Variants in NBL1 observed in about 807,000 individuals in gnomAD.
NBL1 encodes neuroblastoma suppressor of tumorigenicity 1.
In NBL1, 9 loss-of-function variants were observed where a neutral mutation model predicts 16.0. That is an observed-to-expected ratio of 0.56 (90% CI 0.34 to 0.98). NBL1 has a LOEUF of 0.98. NBL1 is among the 50% of genes least tolerant of loss of function. The pLI, the probability that NBL1 is intolerant of heterozygous loss-of-function variation, is 0.02. For missense variants in NBL1, 196 were observed against 243.1 expected (o/e 0.81, Z 1.29); for synonymous variants, 86 against 100.7 (o/e 0.85, Z 0.87).
At chr1:19,646,492 G>T (rs1054271962) in intron 1 of NBL1, among the ~76,000 whole-genome samples, 11 of 152,228 alleles carry the variant, frequency 7.2e-5, no homozygotes, top group Admixed American at 6.5e-4. Flanking sequence ...GGCCTGACCT[G>T]GGTGAGCAGG....
intron 1 of NBL1, chr1:19,645,581 A>T: frequency 9.8e-7 from 1 of 1,019,798 alleles, no homozygotes; most frequent in Non-Finnish European, 1.2e-6. Flanking sequence ...CAATTTGTCA[A>T]CAAGGAGCCC....
chr1:19,657,157 A>T lies in NBL1; in HGVS notation c.*28A>T. 1 of 1,045,424 alleles carries T rather than the reference A, an allele frequency of 9.6e-7. No homozygotes were observed. Among genetic ancestry groups the T allele is most frequent in the Non-Finnish European group, 1.4e-6 (1 of 729,264 alleles). The allele number at this position is 1,045,424 out of a possible 1,614,324, so 64.8% of individuals were successfully genotyped here. On this transcript the variant is annotated 3_prime_UTR_variant, in exon 4 of 4. Transcript: ENST00000375136. The stretch of plus-strand genomic sequence containing the variant: ...CCCCCCCAACTCTTCCTCCCCTCTC[A>T]TCCCCCTGTGGAATGTTGGGTCTCA...
intron 1 of NBL1, among the ~76,000 whole-genome samples, chr1:19,652,253 T>C (rs952194056): frequency 1.3e-5 from 2 of 152,172 alleles, no homozygotes; most frequent in African/African-American, 4.8e-5. Context: ...CCAGGACCCT[T>C]CAGGTGTGCT....
rs953662716 is a variant in NBL1, at chr1:19,646,749, C to T, written c.-20+2303C>T. Among the ~76,000 whole-genome samples the T allele has an allele frequency of 7.2e-5, 11 of 152,174 alleles. No homozygotes were observed. In the South Asian group the frequency reaches 2.1e-3, roughly 29 times the overall value. On this transcript the variant is annotated intron_variant, in intron 1 of 3. Coordinates refer to ENST00000375136, the MANE Select transcript of NBL1 (RefSeq NM_005380.8). ...TGGAGGAGGCTGGTGTCTCCACGAC[C>T]CTGTCTTAGAGTCTGAGTGGGATCT... is the stretch of plus-strand genomic sequence containing the variant.
chr1:19,656,842 C>T (rs1487678918), intron 3 of NBL1, 24 bp from the exon 4 acceptor site: 12 of 1,593,056 alleles, frequency 7.5e-6, no homozygotes, highest in Non-Finnish European at 9.4e-6. Flanking sequence ...GAACATGCCT[C>T]TGCTTCTCTC....
chr1:19,648,610 G>A lies in NBL1; in HGVS notation c.-20+4164G>A, dbSNP rs537305493. ...CCCTCTTCCCCGGAGTGGGAGCTAC[G>A]GGTGGGTCACTTCCTTGACCTGTGC... On this transcript the variant is annotated intron_variant, in intron 1 of 3. Coordinates refer to ENST00000375136, the MANE Select transcript of NBL1 (RefSeq NM_005380.8). 9.6e-4 allele frequency among the ~76,000 whole-genome samples: 146 copies of A among 152,318 alleles called. 1 individual carries two copies. Among genetic ancestry groups the A allele is most frequent in the African/African-American group, 3.0e-3 (123 of 41,554 alleles).
At chr1:19,656,623 G>A (rs1399487255) in intron 3 of NBL1, among the ~76,000 whole-genome samples, 1 of 152,012 alleles carries the variant, frequency 6.6e-6, no homozygotes, top group African/African-American at 2.4e-5. Context: ...AGCAGGGGCA[G>A]GCCACACTGG....
In NBL1 at chr1:19,655,191, T is replaced by C; in HGVS notation, c.161T>C (p.Ile54Thr). 6.2e-7 allele frequency: 1 copy of C among 1,606,528 alleles called. No homozygotes were observed. Among genetic ancestry groups the C allele is most frequent in the Non-Finnish European group, 8.5e-7 (1 of 1,176,616 alleles). ...CACAGCGGCTGTGAGGCCAAGTCCA[T>C]CCAGAACAGGTGGGACCCAAGGGGT... ...VGHSGCEAKS[I>T]QNRACLGQCF... The change falls in exon 2 of 4, where the codon ATC becomes ACC. Residue 54 changes from isoleucine (I) to threonine (T), a missense_variant. By Grantham distance (89) the Ile-to-Thr change is moderately conservative (BLOSUM62 -1). Transcript: ENST00000375136.
chr1:19,655,480 G>T (rs774348089), intron 3 of NBL1, 45 bp downstream of exon 3: 2 of 1,601,540 alleles, frequency 1.2e-6, no homozygotes, highest in Middle Eastern at 1.7e-4. Context: ...CCCGGAGCCT[G>T]CCCCAGCCTT....
At chr1:19,653,857 C>T (rs934761605) in intron 1 of NBL1, among the ~76,000 whole-genome samples, 1 of 152,252 alleles carries the variant, frequency 6.6e-6, no homozygotes, top group Non-Finnish European at 1.5e-5. Flanking sequence ...ACACAGACTG[C>T]CCTGCAGCGC....
chr1:19,657,202 G>T lies in NBL1; in HGVS notation c.*73G>T, dbSNP rs1214312470. ...GTCTCACTCTCTGGGGAAGTCAGGG[G>T]AGAAGCTGAAGCCCCCCTTTGGCAC... is the stretch of plus-strand genomic sequence containing the variant. On this transcript the variant is annotated 3_prime_UTR_variant, in exon 4 of 4. Coordinates refer to ENST00000375136, the MANE Select transcript of NBL1 (RefSeq NM_005380.8). 1.6e-5 allele frequency: 11 copies of T among 701,600 alleles called. No homozygotes were observed. The highest frequency in any genetic ancestry group is 2.6e-5 in the Non-Finnish European group (11 of 425,490). The allele number at this position is 701,600 out of a possible 1,614,324, so 43.5% of individuals were successfully genotyped here.
At position 19,655,180 on chromosome 1, in the gene NBL1, G is replaced by T; in HGVS notation, c.150G>T (p.Glu50Asp). The T allele has an allele frequency of 6.2e-7, 1 of 1,608,842 alleles. No individual in the cohort carries two copies. The change falls in exon 2 of 4, where the codon GAG becomes GAT. Residue 50 changes from glutamate to aspartate, a missense_variant. Transcript: ENST00000375136. ...AGATCGTGGGCCACAGCGGCTGTGAGGCCAAGTCCATCCAGAACAGGTGGG... is the reference window on the plus strand; with the variant it reads ...AGATCGTGGGCCACAGCGGCTGTGATGCCAAGTCCATCCAGAACAGGTGGG... ...ITQIVGHSGC[E>D]AKSIQNRACL...
rs149160377 is a variant in NBL1 at position 19,650,725 on chromosome 1, A to G, written c.-19-4287A>G. Among the ~76,000 whole-genome samples, 349 of 152,122 alleles carry G rather than the reference A, an allele frequency of 2.3e-3. 2 individuals carry two copies. Among genetic ancestry groups the G allele is most frequent in the Non-Finnish European group, 4.0e-3 (272 of 67,976 alleles). On this transcript the variant is annotated intron_variant, in intron 1 of 3. Coordinates refer to ENST00000375136, the MANE Select transcript of NBL1 (RefSeq NM_005380.8). Reference sequence around the variant, plus strand: ...GCTCTCAAGGCTCAGGAAGGAAAGTACGATCGCTGCTTAAAAAAAAAAAAT... The same window carrying G: ...GCTCTCAAGGCTCAGGAAGGAAAGTGCGATCGCTGCTTAAAAAAAAAAAAT...
chr1:19,648,252 A>T (rs888182982), intron 1 of NBL1, among the ~76,000 whole-genome samples: 9 of 152,128 alleles, frequency 5.9e-5, no homozygotes, highest in Non-Finnish European at 1.3e-4. Context: ...TGCATTTAGG[A>T]TGCCTTTCCA....
intron 1 of NBL1, among the ~76,000 whole-genome samples, chr1:19,652,959 G>C (rs1425226538): frequency 6.6e-6 from 1 of 151,214 alleles, no homozygotes. Flanking sequence ...TGACACTCCA[G>C]CCTGGGCGAC....
chr1:19,657,157 A>C lies in NBL1; in HGVS notation c.*28A>C. On this transcript the variant is annotated 3_prime_UTR_variant, in exon 4 of 4. Transcript: ENST00000375136. Reference sequence around the variant, plus strand: ...CCCCCCCAACTCTTCCTCCCCTCTCATCCCCCTGTGGAATGTTGGGTCTCA... The same window carrying C: ...CCCCCCCAACTCTTCCTCCCCTCTCCTCCCCCTGTGGAATGTTGGGTCTCA... 3.1e-5 allele frequency: 32 copies of C among 1,045,376 alleles called. No homozygotes were observed. The highest frequency in any genetic ancestry group is 3.8e-5 in the Non-Finnish European group (28 of 729,228). 64.8% of individuals were successfully genotyped at this position (1,045,376 alleles called of 1,614,324 possible).
upstream of NBL1, chr1:19,643,864 C>T (rs2094961396): frequency 3.0e-6 from 3 of 990,716 alleles, no homozygotes; most frequent in African/African-American, 1.7e-5. This position sits in a 1 kb window ranked among gnomAD's most constrained non-coding sequence, Gnocchi z 4.7. Context: ...GCCCCACTCT[C>T]GGGGCAAGTC....
At chr1:19,648,522 G>T (rs1259009331) in intron 1 of NBL1, among the ~76,000 whole-genome samples, 1 of 152,224 alleles carries the variant, frequency 6.6e-6, no homozygotes, top group Non-Finnish European at 1.5e-5. Context: ...CCTTCCTGGG[G>T]GACCCTCTGG....
chr1:19,647,485 CCA>C (rs1486883328), intron 1 of NBL1: 1 of 321,422 alleles, frequency 3.1e-6, no homozygotes, highest in East Asian at 1.7e-4. Flanking sequence ...GATTTGAACC[CCA>C]GTCTGTCATA....
Sources: allele counts gnomAD v4.1 joint callset (sites outside exome capture counted in the v4.1 genomes callset), GRCh38; gene constraint gnomAD v4.1.1; non-coding constraint Gnocchi (gnomAD v3.1); transcripts MANE v1.5; gene names NCBI Gene and HGNC (gene_info 2026-07-23, HGNC 2026-07-21).